Variants in RASA2 observed in about 807,000 individuals in gnomAD.
RASA2 encodes ras GTPase-activating protein 2.
In RASA2, 155 loss-of-function variants were observed where a neutral mutation model predicts 118.2. That is an observed-to-expected ratio of 1.31 (90% CI 1.15 to 1.50). RASA2 has a LOEUF of 1.50. RASA2 is among the 40% of genes most tolerant of loss of function. The pLI, the probability that RASA2 is intolerant of heterozygous loss-of-function variation, is 0.00. For missense variants in RASA2, 1,016 were observed against 1,009.6 expected (o/e 1.01, Z -0.09); for synonymous variants, 353 against 349.1 (o/e 1.01, Z -0.12).
intron 2 of RASA2, among the ~76,000 whole-genome samples, chr3:141,513,922 A>G (rs2081988451): frequency 6.6e-6 from 1 of 152,204 alleles, no homozygotes; most frequent in Admixed American, 6.5e-5. Context: ...TCGCGTCTTC[A>G]TAGAAGAATC....
intron 1 of RASA2, among the ~76,000 whole-genome samples, chr3:141,493,626 G>A (rs2081664389): frequency 6.6e-6 from 1 of 152,072 alleles, no homozygotes; most frequent in African/African-American, 2.4e-5. Flanking sequence ...TCAGTAGAAA[G>A]GTTGGTATAG....
chr3:141,503,957 AAAG>A (rs1356926981), intron 1 of RASA2, among the ~76,000 whole-genome samples: 6 of 152,330 alleles, frequency 3.9e-5, no homozygotes, highest in East Asian at 1.9e-4. Context: ...GAAATGGAAA[AAAG>A]AAGTTTACAT....
At chr3:141,568,853 GA>G (rs1027690942) in intron 9 of RASA2, among the ~76,000 whole-genome samples, 51 of 151,556 alleles carry the variant, frequency 3.4e-4, no homozygotes, top group African/African-American at 1.1e-3. Flanking sequence ...TAAGCCACAG[GA>G]AAAAAAATAT....
chr3:141,516,965 G>T (rs1040409497), intron 3 of RASA2, among the ~76,000 whole-genome samples: 2 of 151,574 alleles, frequency 1.3e-5, no homozygotes, highest in South Asian at 4.2e-4. Context: ...GTAGAAACAG[G>T]GTTTCACCAT....
intron 1 of RASA2, among the ~76,000 whole-genome samples, chr3:141,501,286 A>C (rs910619578): frequency 2.0e-5 from 3 of 152,198 alleles, no homozygotes; most frequent in Non-Finnish European, 4.4e-5. Context: ...CATTTTAAAC[A>C]ATGACCTCCT....
At chr3:141,518,586 A>T (rs566583917) in intron 3 of RASA2, among the ~76,000 whole-genome samples, 95 of 150,684 alleles carry the variant, frequency 6.3e-4, no homozygotes, top group African/African-American at 2.2e-3. Context: ...GAACTCCTTA[A>T]CAAATGGTCT....
chr3:141,539,732 G>A (rs1258330527), intron 4 of RASA2, among the ~76,000 whole-genome samples: 1 of 152,124 alleles, frequency 6.6e-6, no homozygotes, highest in Non-Finnish European at 1.5e-5. Context: ...CATCACCAGC[G>A]GCAGGTTAGA....
At chr3:141,530,036 T>C (rs371872527) in intron 4 of RASA2, among the ~76,000 whole-genome samples, 178 of 152,130 alleles carry the variant, frequency 1.2e-3, no homozygotes, top group African/African-American at 4.1e-3. Flanking sequence ...TTAGGGCATT[T>C]CTTTCTTACC....
chr3:141,603,229 G>A (rs539579204), intron 19 of RASA2, among the ~76,000 whole-genome samples: 73 of 152,252 alleles, frequency 4.8e-4, no homozygotes, highest in African/African-American at 1.6e-3. Flanking sequence ...GTCCCTTGGG[G>A]CCAATATGTA....
At chr3:141,551,372 G>A (rs1386451412) in intron 5 of RASA2, among the ~76,000 whole-genome samples, 1 of 152,198 alleles carries the variant, frequency 6.6e-6, no homozygotes. Flanking sequence ...TGCTAGCCAT[G>A]TGTGGGTTTT....
chr3:141,491,219 T>G (rs2081636582), intron 1 of RASA2, among the ~76,000 whole-genome samples: 1 of 152,176 alleles, frequency 6.6e-6, no homozygotes, highest in African/African-American at 2.4e-5. Context: ...TGCTTGGGAT[T>G]GTCTTTCTTC....
Position 141,571,426 on chromosome 3 carries a change from T to G in RASA2, c.1041T>G (p.Ala347=). 6.2e-7 allele frequency: 1 copy of G among 1,613,684 alleles called. No individual in the cohort carries two copies. The highest frequency in any genetic ancestry group is 8.5e-7 in the Non-Finnish European group (1 of 1,179,838). The part of the protein sequence containing the change: ...PDVQPISASA[A]YILSEICRDK... The stretch of plus-strand genomic sequence containing the variant: ...TTTAGCCAATATCTGCCTCAGCTGC[T>G]TACATTTTGAGTGAAATATGTCGAG... Residue 347 remains alanine (A), a synonymous_variant, in exon 11 of 24, where the codon GCT becomes GCG. Coordinates refer to ENST00000286364, the MANE Select transcript of RASA2 (RefSeq NM_006506.5).
At chr3:141,593,559 A>C (rs182712722) in intron 19 of RASA2, among the ~76,000 whole-genome samples, 28 of 152,312 alleles carry the variant, frequency 1.8e-4, no homozygotes, top group African/African-American at 6.3e-4. Flanking sequence ...GTTGACTCTT[A>C]AACCGCTAAT....
At chr3:141,513,197 G>GT (rs35492761) in intron 2 of RASA2, among the ~76,000 whole-genome samples, 37,787 of 144,932 alleles carry the variant, frequency 0.26, 5,191 homozygotes, top group Non-Finnish European at 0.33. Flanking sequence ...TTAGGGATCT[G>GT]TTTTTTTTTT....
intron 19 of RASA2, among the ~76,000 whole-genome samples, chr3:141,596,904 A>G (rs1327470904): frequency 6.6e-6 from 1 of 152,238 alleles, no homozygotes; most frequent in East Asian, 1.9e-4. Flanking sequence ...AAAGTTAAAC[A>G]TAAAACTACT....
intron 5 of RASA2, among the ~76,000 whole-genome samples, chr3:141,544,419 T>TC (rs1396774603): frequency 7.2e-5 from 11 of 152,074 alleles, no homozygotes; most frequent in Non-Finnish European, 1.3e-4. Flanking sequence ...GTCCCAGAGG[T>TC]CCCCCTGAGG....
chr3:141,583,075 G>C (rs1352920660), intron 17 of RASA2, among the ~76,000 whole-genome samples: 1 of 152,044 alleles, frequency 6.6e-6, no homozygotes, highest in African/African-American at 2.4e-5. Flanking sequence ...TAATTACTGG[G>C]TTTTCTTTCA....
At chr3:141,518,928 G>A (rs1048729429) in intron 3 of RASA2, among the ~76,000 whole-genome samples, 2 of 151,824 alleles carry the variant, frequency 1.3e-5, no homozygotes, top group African/African-American at 4.8e-5. Context: ...AAAACTATTT[G>A]TTACATAATA....
At chr3:141,488,597 A>G (rs2081605560) in intron 1 of RASA2, among the ~76,000 whole-genome samples, 1 of 152,180 alleles carries the variant, frequency 6.6e-6, no homozygotes, top group Non-Finnish European at 1.5e-5. Context: ...AAAACCTGGA[A>G]AGTGACACCA....
Sources: gnomAD v4.1 joint callset for allele counts (sites outside exome capture counted in the v4.1 genomes callset) on GRCh38, gnomAD v4.1.1 for gene constraint, MANE v1.5 for transcripts, NCBI Gene and HGNC (gene_info 2026-07-23, HGNC 2026-07-21) for gene names.